CUBN: variants seen among roughly 807,000 people sequenced by gnomAD.
The protein encoded by CUBN is 460 kDa receptor.
In CUBN, 282 loss-of-function variants were observed where a neutral mutation model predicts 405.3. The ratio of observed to expected loss-of-function variants is 0.70; its 90% CI spans 0.63 to 0.77. The LOEUF is 0.77. Among genes scored for constraint, CUBN ranks in the 30% least tolerant of loss-of-function variants. CUBN has a pLI of 0.00. For synonymous variants in CUBN, 1,684 were observed against 1,617.0 expected (o/e 1.04, Z -0.99); for missense variants, 4,514 against 4,475.2 (o/e 1.01, Z -0.25).
At chr10:16,967,143 G>A (rs1391778867) in intron 31 of CUBN, among the ~76,000 whole-genome samples, 2 of 152,110 alleles carry the variant, frequency 1.3e-5, no homozygotes, top group Admixed American at 6.5e-5. Context: ...AGTTTCCTTT[G>A]TCAGTGATTT....
intron 31 of CUBN, among the ~76,000 whole-genome samples, chr10:16,967,955 AAG>A (rs558712003): frequency 2.7e-4 from 38 of 139,034 alleles, no homozygotes; most frequent in African/African-American, 1.0e-3. Context: ...GAGGGAAAGA[AAG>A]AGGGACAGAA....
At chr10:16,955,142 G>C (rs918973753) in intron 31 of CUBN, among the ~76,000 whole-genome samples, 2 of 151,974 alleles carry the variant, frequency 1.3e-5, no homozygotes, top group Non-Finnish European at 2.9e-5. Flanking sequence ...AGGCTGAGGC[G>C]GGTGGATCAC....
At chr10:16,898,972 A>C in intron 54 of CUBN, 24 bp downstream of exon 54, 2 of 1,553,392 alleles carry the variant, frequency 1.3e-6, no homozygotes, top group Non-Finnish European at 1.8e-6. Context: ...ACTTGGCTCC[A>C]ATTAAATGAA....
intron 31 of CUBN, among the ~76,000 whole-genome samples, chr10:16,981,283 A>G (rs1433164361): frequency 6.6e-6 from 1 of 152,044 alleles, no homozygotes; most frequent in African/African-American, 2.4e-5. Flanking sequence ...AGTTCAGCCA[A>G]GGAAGGCCAG....
At chr10:16,895,730 C>T (rs1005973622) in intron 54 of CUBN, among the ~76,000 whole-genome samples, 3 of 152,036 alleles carry the variant, frequency 2.0e-5, no homozygotes, top group African/African-American at 7.2e-5. Flanking sequence ...TTTTGGTTAA[C>T]CTTTGCATGA....
chr10:16,831,933 A>G (rs1839013090), intron 64 of CUBN, among the ~76,000 whole-genome samples: 1 of 152,244 alleles, frequency 6.6e-6, no homozygotes, highest in Non-Finnish European at 1.5e-5. Flanking sequence ...AGTATAATAA[A>G]GTTCAGAACG....
chr10:16,907,699 A>G lies in CUBN; in HGVS notation c.7534-20T>C. 1 of 1,610,632 alleles carries G rather than the reference A, an allele frequency of 6.2e-7. No homozygotes were observed. The highest frequency in any genetic ancestry group is 8.5e-7 in the Non-Finnish European group (1 of 1,178,790). On this transcript the variant is annotated intron_variant, in intron 48 of 66. Transcript: ENST00000377833. ...GAATACCTGTTGGAAAAAGAGTTTA[A>G]CCTTCAGGCACACAATCCATCTTAC... is the stretch of plus-strand genomic sequence containing the variant.
intron 28 of CUBN, among the ~76,000 whole-genome samples, chr10:17,009,608 C>T (rs1359419743): frequency 6.8e-6 from 1 of 147,218 alleles, no homozygotes; most frequent in Non-Finnish European, 1.5e-5. Flanking sequence ...CTCCCAAACT[C>T]TCCATCCTGA....
At chr10:17,102,062 C>T (rs555514051) in intron 13 of CUBN, among the ~76,000 whole-genome samples, 3 of 152,152 alleles carry the variant, frequency 2.0e-5, no homozygotes, top group African/African-American at 2.4e-5. Context: ...CATGATTTTA[C>T]AGATTAACTA....
chr10:16,963,856 A>T (rs541049384), intron 31 of CUBN, among the ~76,000 whole-genome samples: 1 of 152,352 alleles, frequency 6.6e-6, no homozygotes, highest in South Asian at 2.1e-4. Context: ...ATGCAAAATA[A>T]TATTTCATAG....
At chr10:17,083,406 G>A (rs1836015555) in intron 17 of CUBN, among the ~76,000 whole-genome samples, 1 of 152,140 alleles carries the variant, frequency 6.6e-6, no homozygotes, top group African/African-American at 2.4e-5. Flanking sequence ...TCAGGAGGCT[G>A]AGGCAGAAGA....
At chr10:17,003,144 G>A (rs1457814841) in intron 28 of CUBN, among the ~76,000 whole-genome samples, 1 of 152,134 alleles carries the variant, frequency 6.6e-6, no homozygotes. Flanking sequence ...GTTTTTAAAA[G>A]CTTCTCTTTT....
At position 17,102,610 on chromosome 10, in the gene CUBN, T is replaced by A. The variant is rs11254371; in HGVS notation, c.1530+515A>T. ...CCTTGTTACTCTTTTTTTTTTTTTT[T>A]TTTTTTTTTTTTGTGAGATGGAGTC... On this transcript the variant is annotated intron_variant, in intron 13 of 66. Transcript: ENST00000377833. 1.1e-3 allele frequency among the ~76,000 whole-genome samples: 98 copies of A among 90,764 alleles called. 1 individual carries two copies. Among genetic ancestry groups the A allele is most frequent in the East Asian group, 2.8e-3 (6 of 2,112 alleles). The allele number at this position is 90,764 out of a possible 152,430, so 59.5% of individuals were successfully genotyped here. A position where few individuals can be genotyped will look rare whatever the true frequency, so the allele number is the denominator to read the frequency against.
At chr10:17,058,086 C>A (rs1008304859) in intron 22 of CUBN, among the ~76,000 whole-genome samples, 1 of 151,874 alleles carries the variant, frequency 6.6e-6, no homozygotes, top group Non-Finnish European at 1.5e-5. Context: ...CGCGCCACTG[C>A]ACTCCAGCCT....
At chr10:16,921,365 T>C (rs1470600332) in intron 43 of CUBN, among the ~76,000 whole-genome samples, 1 of 152,150 alleles carries the variant, frequency 6.6e-6, no homozygotes, top group Admixed American at 6.6e-5. Flanking sequence ...CCTGTATCTC[T>C]GGATCAAGTT....
intron 33 of CUBN, among the ~76,000 whole-genome samples, chr10:16,951,609 C>T (rs1564443486): frequency 2.0e-5 from 3 of 152,160 alleles, no homozygotes; most frequent in Admixed American, 1.3e-4. Context: ...AGGGGCATTT[C>T]CTGATGTTCT....
intron 28 of CUBN, among the ~76,000 whole-genome samples, chr10:16,995,759 G>A (rs1258918583): frequency 6.6e-6 from 1 of 152,134 alleles, no homozygotes; most frequent in Non-Finnish European, 1.5e-5. Context: ...TTTCATTAAG[G>A]TGCACAAAAA....
Position 16,940,078 on chromosome 10 carries a change from T to C in CUBN, c.5502A>G (p.Ser1834=), listed in dbSNP as rs944948303. 1.2e-6 allele frequency: 2 copies of C among 1,614,046 alleles called. No homozygotes were observed. The highest frequency in any genetic ancestry group is 2.7e-5 in the African/African-American group (2 of 74,940). The change falls in exon 37 of 67, where the codon TCA becomes TCG. Residue 1834 remains serine, a synonymous_variant. Transcript: ENST00000377833. ...VGHTLWVRFI[S]DGSGSGTGFQ... ...AGCCCGTGCCGCTGCCAGAACCATC[T>C]GAGATAAATCTGACCCACAGGGTAT...
intron 32 of CUBN, among the ~76,000 whole-genome samples, chr10:16,952,638 A>G (rs565184790): frequency 1.3e-5 from 2 of 152,356 alleles, no homozygotes; most frequent in African/African-American, 4.8e-5. Context: ...TTAAATGTCT[A>G]TGAATTGCCT....
Sources: allele counts gnomAD v4.1 joint callset (sites outside exome capture counted in the v4.1 genomes callset), GRCh38; gene constraint gnomAD v4.1.1; transcripts MANE v1.5; gene names NCBI Gene and HGNC (gene_info 2026-07-23, HGNC 2026-07-21).